VPS26A: variants seen among roughly 807,000 people sequenced by gnomAD.
VPS26A encodes the protein vacuolar protein sorting-associated protein 26A.
A neutral mutation model predicts 42.4 loss-of-function variants in VPS26A; 22 were observed. The observed-to-expected ratio is 0.52, with a 90% CI of 0.37 to 0.74. The LOEUF (loss-of-function observed/expected upper bound fraction) is 0.74, where lower values mean the gene tolerates loss of function less well. Among genes scored for constraint, VPS26A ranks in the 30% least tolerant of loss-of-function variants. The pLI, the probability that VPS26A is intolerant of heterozygous loss-of-function variation, is 0.00. For synonymous variants in VPS26A, 110 were observed against 123.5 expected (o/e 0.89, Z 0.73); for missense variants, 276 against 379.2 (o/e 0.73, Z 2.26).
intron 3 of VPS26A, among the ~76,000 whole-genome samples, 170 bp downstream of exon 3, chr10:69,156,057 T>C (rs1486232813): frequency 1.3e-5 from 2 of 152,146 alleles, no homozygotes; most frequent in African/African-American, 4.8e-5. Context: ...TGTGTTTCTT[T>C]GACTTGTATG....
chr10:69,129,873 T>C (rs1589343094), intron 1 of VPS26A, among the ~76,000 whole-genome samples: 2 of 152,356 alleles, frequency 1.3e-5, no homozygotes, highest in Admixed American at 1.3e-4. Context: ...GGTAATTCTT[T>C]TAGTTGGTTG....
chr10:69,139,788 G>A (rs1840999648), intron 2 of VPS26A, among the ~76,000 whole-genome samples: 1 of 151,762 alleles, frequency 6.6e-6, no homozygotes, highest in South Asian at 2.1e-4. Context: ...GTGGTTTTTT[G>A]CTCTTGTATT....
intron 2 of VPS26A, chr10:69,133,588 T>C (rs1192516675): frequency 7.8e-7 from 1 of 1,289,728 alleles, no homozygotes; most frequent in Admixed American, 2.3e-5. Context: ...GTCAGATATG[T>C]TTATGACGCC....
intron 2 of VPS26A, among the ~76,000 whole-genome samples, chr10:69,149,964 T>C (rs1841263669): frequency 6.6e-6 from 1 of 151,594 alleles, no homozygotes; most frequent in African/African-American, 2.4e-5. Flanking sequence ...GGCTGGTCTC[T>C]TAACTCCTGA....
At chr10:69,157,910 G>C in intron 4 of VPS26A, 137 bp from the exon 5 acceptor site, 1 of 663,416 alleles carries the variant, frequency 1.5e-6, no homozygotes, top group Non-Finnish European at 2.4e-6. Flanking sequence ...ACTCCTTCGT[G>C]AAGTAATGAA....
chr10:69,151,282 A>AAAC (rs71035063), intron 2 of VPS26A, among the ~76,000 whole-genome samples: 1 of 136,774 alleles, frequency 7.3e-6, no homozygotes, highest in African/African-American at 3.3e-5. Context: ...AAAAAAAAAA[A>AAAC]ACACACACAC....
intron 1 of VPS26A, among the ~76,000 whole-genome samples, chr10:69,129,021 GAATT>G (rs1199448364): frequency 4.3e-4 from 53 of 122,660 alleles, no homozygotes; most frequent in South Asian, 8.0e-4. Context: ...AAAAAAAAAA[GAATT>G]AATTTTAATT....
At chr10:69,144,251 T>C (rs1414540462) in intron 2 of VPS26A, among the ~76,000 whole-genome samples, 1 of 152,228 alleles carries the variant, frequency 6.6e-6, no homozygotes, top group African/African-American at 2.4e-5. Flanking sequence ...GAACCATTAT[T>C]ACCACATTAT....
chr10:69,160,175 T>G (rs1402607329), intron 5 of VPS26A, among the ~76,000 whole-genome samples: 3 of 150,250 alleles, frequency 2.0e-5, no homozygotes, highest in African/African-American at 4.9e-5. Context: ...CACAGTTTTT[T>G]GTTTGTTTGA....
At position 69,173,177 on chromosome 10, in the gene VPS26A, GA is replaced by G. The variant is rs1841853847; in HGVS notation, c.*1913del. 6.6e-6 allele frequency among the ~76,000 whole-genome samples: 1 copy of G among 152,130 alleles called. No homozygotes were observed. Among genetic ancestry groups the G allele is most frequent in the Non-Finnish European group, 1.5e-5 (1 of 68,012 alleles). On this transcript the variant is annotated 3_prime_UTR_variant, in exon 9 of 9. Coordinates refer to ENST00000263559, the MANE Select transcript of VPS26A (RefSeq NM_004896.5). ...GCCAGCTAATTAGAAGTCATAAACT[GA>G]AAAAGAAATTTGTGTCTTTAATGAA...
At chr10:69,161,731 G>A (rs1262459388) in intron 5 of VPS26A, 2 of 389,920 alleles carry the variant, frequency 5.1e-6, no homozygotes, top group African/African-American at 2.1e-5. Context: ...AACATACATG[G>A]GCTCATCACA....
intron 1 of VPS26A, among the ~76,000 whole-genome samples, chr10:69,128,996 C>CAA (rs60820610): frequency 2.9e-5 from 2 of 68,410 alleles, no homozygotes; most frequent in African/African-American, 1.1e-4. Context: ...GACTCTGTCT[C>CAA]AAAAAAAAAA....
rs1840825919 is a variant in VPS26A at position 69,133,176 on chromosome 10, G to A, written c.153+129G>A. The A allele has an allele frequency of 2.0e-5, 19 of 955,662 alleles. No homozygotes were observed. The East Asian group carries it at 4.4e-4, about 22-fold the overall frequency. 59.2% of individuals were successfully genotyped at this position (955,662 alleles called of 1,614,324 possible). ...GAGATTTTTTTTTCCCTAAAGTTCA[G>A]CTAAAATATTTGATTGATTAGAAGA... On this transcript the variant is annotated intron_variant, in intron 2 of 8. Transcript: ENST00000263559.
intron 2 of VPS26A, among the ~76,000 whole-genome samples, chr10:69,136,701 G>T (rs967764451): frequency 6.6e-6 from 1 of 152,246 alleles, no homozygotes; most frequent in Admixed American, 6.5e-5. Context: ...ACAAAGAGAC[G>T]TTATCTATAT....
chr10:69,162,380 T>C (rs928131996), intron 5 of VPS26A, 26 bp from the exon 6 acceptor site: 1 of 1,186,276 alleles, frequency 8.4e-7, no homozygotes, highest in Admixed American at 2.2e-5. Flanking sequence ...AACTGATATT[T>C]AGTGAGATAT....
chr10:69,135,575 T>G (rs12250611), intron 2 of VPS26A, among the ~76,000 whole-genome samples: 6,340 of 152,262 alleles, frequency 0.042, 465 homozygotes, highest in African/African-American at 0.14. Context: ...AGATCCTGTC[T>G]CTAACACTAA....
intron 1 of VPS26A, among the ~76,000 whole-genome samples, chr10:69,130,918 C>T (rs7069871): frequency 0.042 from 6,341 of 152,154 alleles, 463 homozygotes; most frequent in African/African-American, 0.14. Flanking sequence ...TACTAAATTG[C>T]ATATATCCAT....
At chr10:69,145,162 A>G (rs533239267) in intron 2 of VPS26A, among the ~76,000 whole-genome samples, 55 of 58,840 alleles carry the variant, frequency 9.3e-4, no homozygotes, top group African/African-American at 1.7e-3. Flanking sequence ...CAGCCTCCTG[A>G]GTAGCTGGAT....
chr10:69,158,659 G>A (rs1406658276), intron 5 of VPS26A, among the ~76,000 whole-genome samples: 1 of 151,824 alleles, frequency 6.6e-6, no homozygotes, highest in Non-Finnish European at 1.5e-5. Flanking sequence ...TTTTGCTTGT[G>A]TTTAATGCCT....
Sources: gnomAD v4.1 joint callset for allele counts (sites outside exome capture counted in the v4.1 genomes callset) on GRCh38, gnomAD v4.1.1 for gene constraint, MANE v1.5 for transcripts, NCBI Gene and HGNC (gene_info 2026-07-23, HGNC 2026-07-21) for gene names.